Variants in CA10 observed in about 807,000 individuals in gnomAD.
CA10 encodes carbonic anhydrase-related protein 10.
Under a neutral mutation model 44.2 loss-of-function variants are expected in CA10, and 14 were observed. That is an observed-to-expected ratio of 0.32 (90% CI 0.21 to 0.50). CA10 has a LOEUF of 0.50. CA10 is among the 20% of genes least tolerant of loss of function. The pLI is 0.99. For synonymous variants in CA10, 159 were observed against 141.6 expected (o/e 1.12, Z -0.87); for missense variants, 350 against 409.7 (o/e 0.85, Z 1.26).
At chr17:51,787,315 G>C (rs1906328248) in intron 3 of CA10, among the ~76,000 whole-genome samples, 1 of 151,994 alleles carries the variant, frequency 6.6e-6, no homozygotes. Flanking sequence ...CTTATTACTT[G>C]TTATTTGTCT....
chr17:51,692,413 A>ATCTATCTATCTATCTATCTG, intron 4 of CA10, among the ~76,000 whole-genome samples: 1 of 125,350 alleles, frequency 8.0e-6, no homozygotes, highest in African/African-American at 2.6e-5. Flanking sequence ...CTATCTATCT[A>ATCTATCTATCTATCTATCTG]TCTATCTATC....
At position 51,745,468 on chromosome 17, in the gene CA10, G is replaced by A. The variant is rs77364148; in HGVS notation, c.465+2165C>T. 2.0e-4 allele frequency among the ~76,000 whole-genome samples: 30 copies of A among 152,302 alleles called. No individual in the cohort carries two copies. In the East Asian group the frequency reaches 5.6e-3, roughly 28 times the overall value. On this transcript the variant is annotated intron_variant, in intron 4 of 8. Transcript: ENST00000451037. ...CACATAATAATGTACCATTGTGGAA[G>A]TGCTTCACAAACCTAATCGTCAGAC...
chr17:51,979,831 C>T (rs971357015), intron 2 of CA10, among the ~76,000 whole-genome samples: 7 of 152,058 alleles, frequency 4.6e-5, no homozygotes, highest in East Asian at 1.9e-4. Context: ...CAGCGCCATC[C>T]GCGATCCTGC....
intron 2 of CA10, among the ~76,000 whole-genome samples, chr17:52,061,606 A>T (rs1163822077): frequency 6.6e-6 from 1 of 152,124 alleles, no homozygotes; most frequent in Non-Finnish European, 1.5e-5. Context: ...GTTTCCCCAC[A>T]TGTTGTTCTC....
At chr17:52,121,573 C>CA (rs968604315) in intron 1 of CA10, among the ~76,000 whole-genome samples, 25 of 149,728 alleles carry the variant, frequency 1.7e-4, no homozygotes, top group East Asian at 7.9e-4. Context: ...ACCTTCATTT[C>CA]AAAAAAAAAG....
rs558113462 is a variant in CA10 at position 51,752,238 on chromosome 17, C to T, written c.280-4420G>A. On this transcript the variant is annotated intron_variant, in intron 3 of 8. Transcript: ENST00000451037. The stretch of plus-strand genomic sequence containing the variant: ...ATGATATCTGAGGGTACATCTGCAC[C>T]GCAGTAATTAACATTGCAGCAGTGC... Among the ~76,000 whole-genome samples, 5 of 150,936 alleles carry T rather than the reference C, an allele frequency of 3.3e-5. No individual in the cohort carries two copies. In the South Asian group the frequency reaches 8.5e-4, roughly 26 times the overall value.
intron 2 of CA10, among the ~76,000 whole-genome samples, chr17:52,049,756 A>C (rs1037066924): frequency 1.3e-5 from 2 of 152,126 alleles, no homozygotes; most frequent in African/African-American, 4.8e-5. Context: ...TCACAAGTGC[A>C]TCAAAATTAG....
At chr17:51,816,974 C>A (rs1462592330) in intron 3 of CA10, among the ~76,000 whole-genome samples, 1 of 152,146 alleles carries the variant, frequency 6.6e-6, no homozygotes, top group Non-Finnish European at 1.5e-5. Context: ...AAGGAATAAG[C>A]CTTTCTTGTG....
intron 4 of CA10, among the ~76,000 whole-genome samples, chr17:51,741,028 C>G (rs1426820254): frequency 6.6e-6 from 1 of 152,144 alleles, no homozygotes; most frequent in Non-Finnish European, 1.5e-5. Context: ...ACTATAAGCA[C>G]CTTACAGGTA....
At chr17:52,152,108 C>A (rs1210435484) in intron 1 of CA10, among the ~76,000 whole-genome samples, 3 of 151,904 alleles carry the variant, frequency 2.0e-5, no homozygotes, top group African/African-American at 7.3e-5. Context: ...CTCCAGTTCA[C>A]CCCCTACGAA....
At chr17:51,632,006 C>G (rs1048468315) in intron 8 of CA10, among the ~76,000 whole-genome samples, 1 of 152,110 alleles carries the variant, frequency 6.6e-6, no homozygotes, top group Non-Finnish European at 1.5e-5. Context: ...TGACACTGCT[C>G]TAGGCTAGGG....
chr17:51,827,668 G>A (rs758215715), intron 3 of CA10, among the ~76,000 whole-genome samples: 4 of 152,090 alleles, frequency 2.6e-5, no homozygotes, highest in Non-Finnish European at 5.9e-5. Flanking sequence ...GCAGGTAATC[G>A]TTACTAGTCC....
intron 1 of CA10, among the ~76,000 whole-genome samples, chr17:52,106,274 T>C (rs1264076006): frequency 1.3e-5 from 2 of 152,172 alleles, no homozygotes; most frequent in South Asian, 2.1e-4. Context: ...CGTTTCCAAA[T>C]GCTGCAACCC....
At chr17:51,751,921 G>A (rs1048656572) in intron 3 of CA10, among the ~76,000 whole-genome samples, 1 of 152,092 alleles carries the variant, frequency 6.6e-6, no homozygotes, top group African/African-American at 2.4e-5. Context: ...ACCTAACAGT[G>A]TGCTAGGAGC....
At chr17:52,002,978 T>C (rs945119566) in intron 2 of CA10, among the ~76,000 whole-genome samples, 13 of 152,026 alleles carry the variant, frequency 8.6e-5, no homozygotes, top group East Asian at 1.9e-4. Flanking sequence ...TCCTTCTCTA[T>C]GTAGGATTAT....
At chr17:51,853,644 A>G (rs1173592073) in intron 3 of CA10, among the ~76,000 whole-genome samples, 2 of 152,060 alleles carry the variant, frequency 1.3e-5, no homozygotes, top group Non-Finnish European at 2.9e-5. Flanking sequence ...TGCCCTGGTG[A>G]TATGGCTTGG....
chr17:51,694,766 C>A (rs1669478416), intron 4 of CA10, among the ~76,000 whole-genome samples: 2 of 152,048 alleles, frequency 1.3e-5, no homozygotes, highest in South Asian at 4.1e-4. Flanking sequence ...AGGTTTTCTT[C>A]TGGGATTCTT....
rs781699188 is a variant in CA10 at position 51,635,865 on chromosome 17, G to C, written c.779C>G (p.Thr260Ser). 3.2e-6 allele frequency: 5 copies of C among 1,586,700 alleles called. No homozygotes were observed. In the South Asian group the frequency reaches 5.8e-5, roughly 18 times the overall value. The part of the protein sequence containing the change: ...WIIMNKPVYI[T>S]RMQMHSLRLL... Reference sequence around the variant, plus strand: ...CAGAGAGAAACTCACCTGCATCCTGGTTATATAGACAGGTTTGTTCATTAT... The same window carrying C: ...CAGAGAGAAACTCACCTGCATCCTGCTTATATAGACAGGTTTGTTCATTAT... Residue 260 changes from threonine to serine, a missense_variant, in exon 7 of 9, where the codon ACC (threonine) becomes AGC (serine). Coordinates refer to ENST00000451037, the MANE Select transcript of CA10 (RefSeq NM_020178.5).
intron 2 of CA10, among the ~76,000 whole-genome samples, chr17:52,043,311 T>A (rs1986822507): frequency 6.6e-6 from 1 of 152,112 alleles, no homozygotes; most frequent in Non-Finnish European, 1.5e-5. Context: ...TATTCCTAAG[T>A]ATTTTATTCT....
Sources: allele counts gnomAD v4.1 joint callset (sites outside exome capture counted in the v4.1 genomes callset), GRCh38; gene constraint gnomAD v4.1.1; transcripts MANE v1.5; gene names NCBI Gene and HGNC (gene_info 2026-07-23, HGNC 2026-07-21).